EIF2AK4: variants seen among roughly 807,000 people sequenced by gnomAD.
EIF2AK4 encodes eIF-2-alpha kinase GCN2.
Under a neutral mutation model 211.1 loss-of-function variants are expected in EIF2AK4, and 139 were observed. That is an observed-to-expected ratio of 0.66 (90% CI 0.57 to 0.76). EIF2AK4 has a LOEUF of 0.76. Among genes scored for constraint, EIF2AK4 ranks in the 30% least tolerant of loss-of-function variants. The pLI is 0.00. For missense variants in EIF2AK4, 1,664 were observed against 2,043.8 expected (o/e 0.81, Z 3.58); for synonymous variants, 710 against 751.3 (o/e 0.94, Z 0.90).
intron 17 of EIF2AK4, chr15:39,992,558 A>C (rs920236884): frequency 1.7e-6 from 1 of 591,704 alleles, no homozygotes; most frequent in Non-Finnish European, 3.0e-6. Context: ...CCTCCTCTTC[A>C]ATAGCAAAGA....
intron 27 of EIF2AK4, among the ~76,000 whole-genome samples, chr15:40,011,767 T>C (rs890417588): frequency 6.6e-6 from 1 of 152,234 alleles, no homozygotes; most frequent in South Asian, 2.1e-4. Context: ...TACCTCCATG[T>C]CTTCTAACTC....
intron 26 of EIF2AK4, among the ~76,000 whole-genome samples, chr15:40,010,190 C>T (rs1385040501): frequency 1.3e-5 from 2 of 152,228 alleles, no homozygotes; most frequent in Non-Finnish European, 2.9e-5. Flanking sequence ...TTCATTCTCA[C>T]ACCAGTGCTG....
chr15:40,015,541 C>T (rs771771969), intron 27 of EIF2AK4, among the ~76,000 whole-genome samples: 1 of 152,180 alleles, frequency 6.6e-6, no homozygotes, highest in Admixed American at 6.5e-5. Context: ...AGTTACCTCC[C>T]ACTGGATCCC....
At chr15:39,979,208 G>A (rs1216058325) in intron 13 of EIF2AK4, among the ~76,000 whole-genome samples, 1 of 152,136 alleles carries the variant, frequency 6.6e-6, no homozygotes, top group Non-Finnish European at 1.5e-5. Flanking sequence ...GAAATATTAT[G>A]TACTAGACGT....
chr15:39,963,341 T>G (rs1042527528), intron 7 of EIF2AK4, among the ~76,000 whole-genome samples: 4 of 152,202 alleles, frequency 2.6e-5, no homozygotes, highest in Admixed American at 2.6e-4. Flanking sequence ...TTAATTCAAT[T>G]CTTATTACCT....
chr15:39,989,122 A>T (rs2034908078), intron 15 of EIF2AK4, among the ~76,000 whole-genome samples: 2 of 152,244 alleles, frequency 1.3e-5, no homozygotes, highest in African/African-American at 4.8e-5. Context: ...ATCTAGCAAG[A>T]AGAGAAATGA....
intron 13 of EIF2AK4, among the ~76,000 whole-genome samples, chr15:39,979,736 C>T (rs1462453248): frequency 6.6e-6 from 1 of 152,120 alleles, no homozygotes; most frequent in African/African-American, 2.4e-5. Flanking sequence ...TCTTAGAAAT[C>T]AAATGGCCAT....
In EIF2AK4 at chr15:40,032,242, G is replaced by C; in HGVS notation, c.4728+5G>C. On this transcript the variant is annotated splice_donor_5th_base_variant and intron_variant, in intron 36 of 38. Transcript: ENST00000263791. ...AGTGAAATTGAAATTCTGGCTGTAA[G>C]TGGCTTTCTTTAGTATTTTGAAGGT... 1 of 1,614,038 alleles carries C rather than the reference G, an allele frequency of 6.2e-7. No homozygotes were observed. Among genetic ancestry groups the C allele is most frequent in the Non-Finnish European group, 8.5e-7 (1 of 1,179,888 alleles).
chr15:39,947,562 C>T (rs2034246744), intron 3 of EIF2AK4, among the ~76,000 whole-genome samples: 1 of 152,190 alleles, frequency 6.6e-6, no homozygotes, highest in Non-Finnish European at 1.5e-5. Flanking sequence ...TATTCCAGCA[C>T]TGGGAAAACC....
At chr15:40,002,824 C>G (rs758240823) in intron 22 of EIF2AK4, 36 bp downstream of exon 22, 1 of 1,607,478 alleles carries the variant, frequency 6.2e-7, no homozygotes, top group Admixed American at 1.7e-5. Flanking sequence ...TATTTCTTCT[C>G]ATAAGACTTT....
In EIF2AK4 at chr15:39,999,214, A is replaced by G. The variant is rs1034889705; in HGVS notation, c.2922+430A>G. On this transcript the variant is annotated intron_variant, in intron 20 of 38. Coordinates refer to ENST00000263791, the MANE Select transcript of EIF2AK4 (RefSeq NM_001013703.4). Reference sequence around the variant, plus strand: ...AAGGGTTGCATTTTCTGGACAGTCTATTGTCACAGTATTTTAAAGCAAAAT... The same window carrying G: ...AAGGGTTGCATTTTCTGGACAGTCTGTTGTCACAGTATTTTAAAGCAAAAT... Among the ~76,000 whole-genome samples the G allele has an allele frequency of 2.6e-5, 4 of 152,186 alleles. No individual in the cohort carries two copies. The South Asian group carries it at 6.2e-4, about 24-fold the overall frequency.
At chr15:40,011,466 C>T in intron 27 of EIF2AK4, 120 bp downstream of exon 27, 3 of 750,220 alleles carry the variant, frequency 4.0e-6, no homozygotes, top group Non-Finnish European at 4.4e-6. Flanking sequence ...CTCGCAGATG[C>T]AGTTTTTCCC....
In EIF2AK4 at chr15:40,030,401, G is replaced by A; in HGVS notation, c.4604G>A (p.Ser1535Asn). Residue 1535 changes from serine (S) to asparagine (N), a missense_variant, in exon 35 of 39, where the codon AGT (serine) becomes AAT (asparagine). Physicochemically the swap from Ser to Asn is conservative, Grantham distance 46. Coordinates refer to ENST00000263791, the MANE Select transcript of EIF2AK4 (RefSeq NM_001013703.4). ...GGAGCAACAGTGGTTCCCATTGTGA[G>A]TGTGCTAGCCCCGGAGAAGCTGTCA... is the stretch of plus-strand genomic sequence containing the variant. ...IHGATVVPIV[S>N]VLAPEKLSAS... The A allele has an allele frequency of 6.2e-7, 1 of 1,614,154 alleles. No homozygotes were observed. The highest frequency in any genetic ancestry group is 8.5e-7 in the Non-Finnish European group (1 of 1,180,014).
intron 32 of EIF2AK4, 108 bp downstream of exon 32, chr15:40,022,713 T>C (rs1368046265): frequency 2.3e-6 from 2 of 876,964 alleles, no homozygotes; most frequent in African/African-American, 1.7e-5. Context: ...ATCCGTTCCC[T>C]CTACTCTCCC....
intron 13 of EIF2AK4, among the ~76,000 whole-genome samples, chr15:39,984,731 A>G (rs537758788): frequency 1.3e-5 from 2 of 152,336 alleles, no homozygotes; most frequent in South Asian, 4.1e-4. Flanking sequence ...GAAGTTGCTT[A>G]TCAGCTTAAG....
chr15:40,015,149 C>G (rs2035287887), intron 27 of EIF2AK4, among the ~76,000 whole-genome samples: 1 of 152,196 alleles, frequency 6.6e-6, no homozygotes, highest in South Asian at 2.1e-4. Flanking sequence ...TTCCTGTCTT[C>G]TTCTGAGCCC....
rs1368160430 is a variant in EIF2AK4 at position 40,025,958 on chromosome 15, C to G, written c.4390-19C>G. On this transcript the variant is annotated intron_variant, in intron 32 of 38. Coordinates refer to ENST00000263791, the MANE Select transcript of EIF2AK4 (RefSeq NM_001013703.4). ...GTTCAGAAACCTCCAAATGATAGAT[C>G]CGTTTCATTCTTTTTAAGGTTAAGT... 43 of 1,607,838 alleles carry G rather than the reference C, an allele frequency of 2.7e-5. No homozygotes were observed. Among genetic ancestry groups the G allele is most frequent in the Non-Finnish European group, 3.7e-5 (43 of 1,175,022 alleles).
intron 24 of EIF2AK4, among the ~76,000 whole-genome samples, 173 bp downstream of exon 24, chr15:40,007,238 A>G (rs1364032679): frequency 6.6e-6 from 1 of 152,184 alleles, no homozygotes; most frequent in Non-Finnish European, 1.5e-5. Flanking sequence ...CCCTTCCTGT[A>G]AGGTAACTAG....
chr15:39,969,995 T>C (rs1419540288), intron 9 of EIF2AK4, among the ~76,000 whole-genome samples: 3 of 152,170 alleles, frequency 2.0e-5, no homozygotes, highest in Non-Finnish European at 2.9e-5. Context: ...CCCCCTGCCC[T>C]GCGTTTCCTC....
Sources: allele counts gnomAD v4.1 joint callset (sites outside exome capture counted in the v4.1 genomes callset), GRCh38; gene constraint gnomAD v4.1.1; transcripts MANE v1.5; gene names NCBI Gene and HGNC (gene_info 2026-07-23, HGNC 2026-07-21).